KIF13A: variants seen among roughly 807,000 people sequenced by gnomAD.
KIF13A encodes the protein kinesin-like protein KIF13A.
In KIF13A, 79 loss-of-function variants were observed where a neutral mutation model predicts 212.2. The observed-to-expected ratio is 0.37, with a 90% CI of 0.31 to 0.45. KIF13A has a LOEUF of 0.45. KIF13A is among the 20% of genes least tolerant of loss of function. The pLI is 1.00. For missense variants in KIF13A, 1,901 were observed against 2,209.0 expected, an observed-to-expected ratio of 0.86 and a Z score of 2.79; for synonymous variants, 789 against 808.6, an observed-to-expected ratio of 0.98 and a Z score of 0.41.
Position 17,984,917 on chromosome 6 carries a change from T to A in KIF13A, c.146+2137A>T, listed in dbSNP as rs1781413893. ...TAGCATGAAGCACTGCTGCAATTAA[T>A]CAACCCAGAGCCCAAGGGAGGAATT... is the stretch of plus-strand genomic sequence containing the variant. On this transcript the variant is annotated intron_variant, in intron 2 of 38. Coordinates refer to ENST00000259711, the MANE Select transcript of KIF13A (RefSeq NM_022113.6). This position sits in a 1 kb window ranked among gnomAD's most constrained non-coding sequence, Gnocchi z 5.0. 6.6e-6 allele frequency among the ~76,000 whole-genome samples: 1 copy of A among 152,228 alleles called. No homozygotes were observed. The highest frequency in any genetic ancestry group is 6.5e-5 in the Admixed American group (1 of 15,284).
At chr6:17,781,344 A>G (rs1760558671) in intron 29 of KIF13A, 43 bp from the exon 30 acceptor site, 1 of 1,511,682 alleles carries the variant, frequency 6.6e-7, no homozygotes, top group Non-Finnish European at 8.8e-7. Context: ...GGGGAAAGTC[A>G]GTTTTTAAGC....
intron 31 of KIF13A, among the ~76,000 whole-genome samples, chr6:17,780,276 GGCTTA>G (rs1760443178): frequency 6.6e-6 from 1 of 152,128 alleles, no homozygotes; most frequent in African/African-American, 2.4e-5. Context: ...ATCTCTCCAG[GGCTTA>G]ATCAGTCTTT....
chr6:17,875,116 T>C (rs895739549), intron 3 of KIF13A, among the ~76,000 whole-genome samples: 2 of 151,930 alleles, frequency 1.3e-5, no homozygotes, highest in African/African-American at 4.8e-5. Flanking sequence ...TAAACATGCA[T>C]GTGCAAGTAT....
chr6:17,928,570 G>T (rs1775697762), intron 2 of KIF13A, among the ~76,000 whole-genome samples: 1 of 152,184 alleles, frequency 6.6e-6, no homozygotes, highest in South Asian at 2.1e-4. Flanking sequence ...ACTTTATTCT[G>T]CTGTATCTAT....
At chr6:17,793,301 C>T (rs1259908389) in intron 25 of KIF13A, among the ~76,000 whole-genome samples, 3 of 151,830 alleles carry the variant, frequency 2.0e-5, no homozygotes, top group African/African-American at 4.8e-5. Context: ...AGGCTGGTCT[C>T]GAACTCCTGG....
intron 2 of KIF13A, among the ~76,000 whole-genome samples, chr6:17,979,239 G>A (rs1780847852): frequency 6.6e-6 from 1 of 152,106 alleles, no homozygotes; most frequent in South Asian, 2.1e-4. Context: ...GTTGCAGTGA[G>A]TCCAGATTGT....
In KIF13A at chr6:17,982,100, C is replaced by CTT. The variant is rs60619103; in HGVS notation, c.146+4952_146+4953dup. 2.6e-3 allele frequency among the ~76,000 whole-genome samples: 375 copies of CTT among 146,888 alleles called. 5 individuals carry two copies. Among genetic ancestry groups the CTT allele is most frequent in the South Asian group, 0.01 (47 of 4,630 alleles). Reference sequence around the variant, plus strand: ...ATTATATACTTACCAACTGAGCATTCTTTTTTTTTTTTGAGACAGAGTTTC... The same window carrying CTT: ...ATTATATACTTACCAACTGAGCATTCTTTTTTTTTTTTTTGAGACAGAGTTTC... On this transcript the variant is annotated intron_variant, in intron 2 of 38. Coordinates refer to ENST00000259711, the MANE Select transcript of KIF13A (RefSeq NM_022113.6). This position sits in a 1 kb window ranked among gnomAD's most constrained non-coding sequence, Gnocchi z 5.1.
At chr6:17,805,370 CGTGTGTGTGTGTGTGTGTGTGT>C (rs59526903) in intron 19 of KIF13A, 83 bp downstream of exon 19, 239 of 735,662 alleles carry the variant, frequency 3.2e-4, no homozygotes, top group East Asian at 5.0e-4. Flanking sequence ...AGCACATCTC[CGTGTGTGTGTGTGTGTGTGTGT>C]GTGTGTGTGT....
intron 2 of KIF13A, among the ~76,000 whole-genome samples, chr6:17,952,584 C>T (rs990964846): frequency 4.6e-5 from 7 of 151,566 alleles, no homozygotes; most frequent in African/African-American, 1.7e-4. Context: ...CTACAGTGAG[C>T]TATGACCACA....
At chr6:17,986,816 G>C (rs962712491) in intron 2 of KIF13A, among the ~76,000 whole-genome samples, 3 of 152,222 alleles carry the variant, frequency 2.0e-5, no homozygotes, top group Admixed American at 1.3e-4. Context: ...CAGCCCGCCC[G>C]GGCTCAGCTG....
chr6:17,784,461 G>GCATCAGAACCGCCTCAGAGGCCT (rs1760875718), intron 28 of KIF13A, among the ~76,000 whole-genome samples: 1 of 152,084 alleles, frequency 6.6e-6, no homozygotes, highest in Non-Finnish European at 1.5e-5. Context: ...TTGCCCAGCT[G>GCATCAGAACCGCCTCAGAGGCCT]CATCAGAACC....
chr6:17,793,420 A>C (rs1299500484), intron 25 of KIF13A, among the ~76,000 whole-genome samples: 1 of 152,012 alleles, frequency 6.6e-6, no homozygotes, highest in Non-Finnish European at 1.5e-5. Flanking sequence ...TGGAGTACTG[A>C]ATAGTTCTGA....
rs542734768 is a variant in KIF13A at position 17,817,187 on chromosome 6, T to C, written c.1833A>G (p.Glu611=). 95 of 1,614,072 alleles carry C rather than the reference T, an allele frequency of 5.9e-5. 1 individual carries two copies. In the East Asian group the frequency reaches 2.1e-3, roughly 36 times the overall value. ...GCTCCTCTAGGGCACTTCTCTTTTC[T>C]TCTAGGTATTGTTTCTCCAGGACCT... ...VVQVLEKQYL[E]EKRSALEEQR... Residue 611 remains glutamate (E), a synonymous_variant, in exon 17 of 39, where the codon GAA becomes GAG. Transcript: ENST00000259711.
At chr6:17,985,225 A>G (rs1464875991) in intron 2 of KIF13A, among the ~76,000 whole-genome samples, 1 of 152,208 alleles carries the variant, frequency 6.6e-6, no homozygotes, top group Non-Finnish European at 1.5e-5. Flanking sequence ...TGCTATTTTT[A>G]TAACTCCAGA....
At chr6:17,927,169 A>C (rs1214426859) in intron 2 of KIF13A, among the ~76,000 whole-genome samples, 1 of 152,152 alleles carries the variant, frequency 6.6e-6, no homozygotes, top group Non-Finnish European at 1.5e-5. Flanking sequence ...GCAGGAACTT[A>C]AACAGATAAA....
chr6:17,956,209 C>G (rs1017993317), intron 2 of KIF13A, among the ~76,000 whole-genome samples: 1 of 152,192 alleles, frequency 6.6e-6, no homozygotes, highest in African/African-American at 2.4e-5. Flanking sequence ...GGACAGGTAA[C>G]TCATCCAGGA....
At chr6:17,807,842 C>A (rs1366670173) in intron 18 of KIF13A, among the ~76,000 whole-genome samples, 1 of 152,192 alleles carries the variant, frequency 6.6e-6, no homozygotes, top group African/African-American at 2.4e-5. Context: ...TACTCTTTCT[C>A]TTTATTTCTC....
At chr6:17,770,839 CTT>C (rs774257163) in intron 38 of KIF13A, 19 of 710,302 alleles carry the variant, frequency 2.7e-5, no homozygotes, top group Admixed American at 1.3e-4. Context: ...AAAAAGATCT[CTT>C]TGTTACACTT....
chr6:17,814,072 T>C (rs1763688028), intron 17 of KIF13A, among the ~76,000 whole-genome samples: 1 of 144,610 alleles, frequency 6.9e-6, no homozygotes, highest in Non-Finnish European at 1.5e-5. Context: ...CCTGCCTCAG[T>C]CCCCCGAGTA....
Sources: gnomAD v4.1 joint callset for allele counts (sites outside exome capture counted in the v4.1 genomes callset) on GRCh38, gnomAD v4.1.1 for gene constraint, Gnocchi (gnomAD v3.1) non-coding constraint, MANE v1.5 for transcripts, NCBI Gene and HGNC (gene_info 2026-07-23, HGNC 2026-07-21) for gene names.